CTTNBP2NL: variants seen among roughly 807,000 people sequenced by gnomAD.
CTTNBP2NL encodes the protein CTTNBP2 N-terminal-like protein.
Under a neutral mutation model 32.5 loss-of-function variants are expected in CTTNBP2NL, and 16 were observed. The observed-to-expected ratio is 0.49, with a 90% confidence interval of 0.33 to 0.75. The LOEUF is 0.75. Ranked by LOEUF, CTTNBP2NL falls within the 30% of genes least tolerant of loss-of-function variation. The pLI, the probability that CTTNBP2NL is intolerant of heterozygous loss-of-function variation, is 0.02. For missense variants in CTTNBP2NL, 645 were observed against 756.0 expected, an observed-to-expected ratio of 0.85 and a Z score of 1.72; for synonymous variants, 298 against 289.4, an observed-to-expected ratio of 1.03 and a Z score of -0.30.
intron 2 of CTTNBP2NL, among the ~76,000 whole-genome samples, chr1:112,414,085 G>T (rs1296160015): frequency 6.6e-6 from 1 of 151,518 alleles, no homozygotes; most frequent in Non-Finnish European, 1.5e-5. Flanking sequence ...AGAAAAAAAG[G>T]CCAGGTGTGG....
intron 2 of CTTNBP2NL, among the ~76,000 whole-genome samples, chr1:112,413,862 A>G (rs1648971911): frequency 6.6e-6 from 1 of 152,008 alleles, no homozygotes; most frequent in African/African-American, 2.4e-5. Context: ...AGCTTGGCCA[A>G]CATGGTAAAA....
chr1:112,442,591 GA>G (rs112146941), intron 3 of CTTNBP2NL, among the ~76,000 whole-genome samples: 4,273 of 149,138 alleles, frequency 0.029, 210 homozygotes, highest in African/African-American at 0.1. Flanking sequence ...AGAACAAAAA[GA>G]AAAAAAAATC....
chr1:112,428,112 TACAC>T (rs913301209), intron 3 of CTTNBP2NL, among the ~76,000 whole-genome samples: 9 of 149,412 alleles, frequency 6.0e-5, no homozygotes, highest in African/African-American at 1.8e-4. Flanking sequence ...CTCACACACA[TACAC>T]ACACATAAAA....
chr1:112,397,332 G>T (rs548988788), intron 1 of CTTNBP2NL, among the ~76,000 whole-genome samples: 1 of 152,268 alleles, frequency 6.6e-6, no homozygotes, highest in South Asian at 2.1e-4. Flanking sequence ...CAAAAGACAG[G>T]AAGTGTTTGA....
chr1:112,437,622 C>A (rs897562141), intron 3 of CTTNBP2NL, among the ~76,000 whole-genome samples: 10 of 152,148 alleles, frequency 6.6e-5, no homozygotes, highest in Non-Finnish European at 8.8e-5. Flanking sequence ...CTCCTGGGTT[C>A]AAGTGATTCT....
chr1:112,456,981 G>A lies in CTTNBP2NL; in HGVS notation c.1489G>A (p.Ala497Thr), dbSNP rs760872761. Residue 497 changes from alanine (A) to threonine (T), a missense_variant, in exon 6 of 6, where the codon GCC (alanine) becomes ACC (threonine). Physicochemically the swap from Ala to Thr is moderately conservative, Grantham distance 58. Coordinates refer to ENST00000271277, the MANE Select transcript of CTTNBP2NL (RefSeq NM_018704.3). ...CCCCACCCTCATAGACAACTCTGCC[G>A]CCAAGCAGCTGGCCCGAAACACAGT... The part of the protein sequence containing the change: ...LSPTLIDNSA[A>T]KQLARNTVTQ... 3.7e-5 allele frequency: 60 copies of A among 1,613,852 alleles called. No individual in the cohort carries two copies. In the Middle Eastern group the frequency reaches 9.9e-4, roughly 27 times the overall value.
At chr1:112,408,220 ATTTTT>A (rs397981257) in intron 1 of CTTNBP2NL, among the ~76,000 whole-genome samples, 1 of 103,760 alleles carries the variant, frequency 9.6e-6, no homozygotes, top group Non-Finnish European at 1.9e-5. Flanking sequence ...TTTTTTTTTA[ATTTTT>A]TTTTTTTTTT....
chr1:112,411,481 G>C (rs1444336097), intron 1 of CTTNBP2NL, among the ~76,000 whole-genome samples: 3 of 152,044 alleles, frequency 2.0e-5, no homozygotes, highest in Non-Finnish European at 4.4e-5. Context: ...CTATACCACA[G>C]TGTATGATAA....
chr1:112,417,385 CTCT>C (rs965342839), intron 3 of CTTNBP2NL, among the ~76,000 whole-genome samples: 19 of 152,278 alleles, frequency 1.2e-4, no homozygotes, highest in South Asian at 1.0e-3. Flanking sequence ...ATTTTAAAGC[CTCT>C]TCTTATGTAC....
rs190257370 is a variant in CTTNBP2NL, at chr1:112,421,450, G to A, written c.99+5186G>A. 3.5e-3 allele frequency among the ~76,000 whole-genome samples: 525 copies of A among 151,108 alleles called. 3 individuals carry two copies. The highest frequency in any genetic ancestry group is 0.012 in the African/African-American group (482 of 41,232). On this transcript the variant is annotated intron_variant, in intron 3 of 5. Coordinates refer to ENST00000271277, the MANE Select transcript of CTTNBP2NL (RefSeq NM_018704.3). ...CAAGTAGCTGGGACTGCAGGTGTGCGCCACCACGCCCGGCTAGTTTTTTTG... is the reference window on the plus strand; with the variant it reads ...CAAGTAGCTGGGACTGCAGGTGTGCACCACCACGCCCGGCTAGTTTTTTTG...
At chr1:112,420,544 C>A (rs1411479807) in intron 3 of CTTNBP2NL, among the ~76,000 whole-genome samples, 1 of 152,204 alleles carries the variant, frequency 6.6e-6, no homozygotes, top group Non-Finnish European at 1.5e-5. Context: ...GAGCAGCTCA[C>A]TGCAGCCTCA....
At position 112,410,118 on chromosome 1, in the gene CTTNBP2NL, C is replaced by T. The variant is rs1010640121; in HGVS notation, c.-133-2076C>T. Among the ~76,000 whole-genome samples, 5 of 152,142 alleles carry T rather than the reference C, an allele frequency of 3.3e-5. No homozygotes were observed. In the East Asian group the frequency reaches 9.6e-4, roughly 29 times the overall value. On this transcript the variant is annotated intron_variant, in intron 1 of 5. Transcript: ENST00000271277. ...AACATAAAAATAAGTGTAGGCCGGG[C>T]ACGGAGGCTCACACCTGTAATCCCA...
chr1:112,449,227 C>G, intron 4 of CTTNBP2NL, 55 bp downstream of exon 4: 1 of 1,020,778 alleles, frequency 9.8e-7, no homozygotes, highest in Middle Eastern at 2.4e-4. Context: ...TAAATTATGC[C>G]TGATACTTTC....
chr1:112,437,373 A>G (rs1649765137), intron 3 of CTTNBP2NL, among the ~76,000 whole-genome samples: 1 of 152,214 alleles, frequency 6.6e-6, no homozygotes, highest in African/African-American at 2.4e-5. Flanking sequence ...GCATTTCTCT[A>G]ATGATCAGTG....
chr1:112,434,569 A>T (rs1649671681), intron 3 of CTTNBP2NL, among the ~76,000 whole-genome samples: 1 of 152,164 alleles, frequency 6.6e-6, no homozygotes, highest in Non-Finnish European at 1.5e-5. Flanking sequence ...CTAGATTTGT[A>T]ACCTAACCAT....
At chr1:112,443,337 CTGAG>C (rs1394001682) in intron 3 of CTTNBP2NL, among the ~76,000 whole-genome samples, 1 of 152,174 alleles carries the variant, frequency 6.6e-6, no homozygotes, top group Non-Finnish European at 1.5e-5. Context: ...CCTCAGCCTC[CTGAG>C]TATCTGGGAT....
Position 112,415,379 on chromosome 1 carries a change from C to T in CTTNBP2NL, c.-9-778C>T, listed in dbSNP as rs539688678. On this transcript the variant is annotated intron_variant, in intron 2 of 5. Coordinates refer to ENST00000271277, the MANE Select transcript of CTTNBP2NL (RefSeq NM_018704.3). ...ACTCCCACCAAACATTATCTCTTTTCCCGAATTTTATTTTAACCAATTGAA... is the reference window on the plus strand; with the variant it reads ...ACTCCCACCAAACATTATCTCTTTTTCCGAATTTTATTTTAACCAATTGAA... Among the ~76,000 whole-genome samples the T allele has an allele frequency of 2.4e-4, 36 of 152,154 alleles. 1 individual carries two copies. The South Asian group carries it at 7.5e-3, about 32-fold the overall frequency.
chr1:112,426,939 TCA>T, intron 3 of CTTNBP2NL, among the ~76,000 whole-genome samples: 1 of 152,270 alleles, frequency 6.6e-6, no homozygotes, highest in South Asian at 2.1e-4. Flanking sequence ...AATTTAAAAA[TCA>T]TAAACATTTC....
At position 112,410,124 on chromosome 1, in the gene CTTNBP2NL, G is replaced by C. The variant is rs140431804; in HGVS notation, c.-133-2070G>C. Among the ~76,000 whole-genome samples, 342 of 152,290 alleles carry C rather than the reference G, an allele frequency of 2.2e-3. 2 individuals are homozygous for C. The highest frequency in any genetic ancestry group is 7.7e-3 in the African/African-American group (321 of 41,564). ...AAAATAAGTGTAGGCCGGGCACGGA[G>C]GCTCACACCTGTAATCCCAGCACTT... On this transcript the variant is annotated intron_variant, in intron 1 of 5. Transcript: ENST00000271277.
Sources: allele counts gnomAD v4.1 joint callset (sites outside exome capture counted in the v4.1 genomes callset), GRCh38; gene constraint gnomAD v4.1.1; transcripts MANE v1.5; gene names NCBI Gene and HGNC (gene_info 2026-07-23, HGNC 2026-07-21).